Variants in CPLANE1 observed in about 807,000 individuals in gnomAD.
CPLANE1 encodes the protein ciliogenesis and planar polarity effector 1.
Under a neutral mutation model 362.5 loss-of-function variants are expected in CPLANE1, and 263 were observed. The observed-to-expected ratio is 0.73, with a 90% CI of 0.66 to 0.80. The LOEUF (loss-of-function observed/expected upper bound fraction) is 0.80, where lower values mean the gene tolerates loss of function less well. CPLANE1 is among the 30% of genes least tolerant of loss of function. The pLI is 0.00. For missense variants in CPLANE1, 3,461 were observed against 3,793.4 expected (o/e 0.91, Z 2.30); for synonymous variants, 1,212 against 1,302.6 (o/e 0.93, Z 1.50).
chr5:37,161,583 G>C (rs2150789187), intron 38 of CPLANE1, among the ~76,000 whole-genome samples: 1 of 152,158 alleles, frequency 6.6e-6, no homozygotes, highest in East Asian at 1.9e-4. Flanking sequence ...AGCATCCCAA[G>C]GTACTTGGAA....
At chr5:37,210,393 CA>C in intron 16 of CPLANE1, 1 of 1,019,150 alleles carries the variant, frequency 9.8e-7, no homozygotes, top group Non-Finnish European at 1.5e-6. Context: ...GACCTATGAC[CA>C]AAAACTCAAG....
intron 12 of CPLANE1, among the ~76,000 whole-genome samples, chr5:37,226,036 T>A (rs1194204894): frequency 2.0e-5 from 3 of 152,064 alleles, no homozygotes; most frequent in Non-Finnish European, 4.4e-5. Context: ...ATGACATATT[T>A]AACATGATGT....
At chr5:37,175,456 A>T (rs1215338058) in intron 31 of CPLANE1, among the ~76,000 whole-genome samples, 1 of 152,160 alleles carries the variant, frequency 6.6e-6, no homozygotes, top group Non-Finnish European at 1.5e-5. Context: ...ATCGATTCTA[A>T]CTATGAAAAT....
intron 46 of CPLANE1, chr5:37,138,432 T>C (rs1003029465): frequency 2.0e-6 from 1 of 489,238 alleles, no homozygotes; most frequent in African/African-American, 2.0e-5. Context: ...CGTTAATTTT[T>C]GGGTAAAGTG....
intron 32 of CPLANE1, among the ~76,000 whole-genome samples, chr5:37,172,748 G>T (rs1408060321): frequency 6.6e-6 from 1 of 152,204 alleles, no homozygotes; most frequent in African/African-American, 2.4e-5. Context: ...CACTTTGGGA[G>T]GCCAAGGCAG....
At chr5:37,161,983 A>T (rs1354711916) in intron 38 of CPLANE1, among the ~76,000 whole-genome samples, 4 of 152,254 alleles carry the variant, frequency 2.6e-5, no homozygotes, top group African/African-American at 9.6e-5. Flanking sequence ...ACTATTCAAG[A>T]TGCTATTCAT....
Position 37,239,786 on chromosome 5 carries a change from C to T in CPLANE1, c.761G>A (p.Arg254Lys). The T allele has an allele frequency of 6.5e-7, 1 of 1,547,000 alleles. No homozygotes were observed. Among genetic ancestry groups the T allele is most frequent in the Non-Finnish European group, 8.7e-7 (1 of 1,144,454 alleles). Residue 254 changes from arginine (R) to lysine (K), a missense_variant, in exon 7 of 53, where the codon AGA becomes AAA. This residue lies in a region of CPLANE1 where 3,380 missense variants were observed against 3,666.1 expected (regional missense o/e 0.92). Coordinates refer to ENST00000651892, the MANE Select transcript of CPLANE1 (RefSeq NM_001384732.1). Reference protein sequence around the residue: ...LIPKCESVKSRGALISAFSRD... With the variant: ...LIPKCESVKSKGALISAFSRD... ...TGAAAAGGCAGAAATTAGAGCTCCT[C>T]TTGACTTTACTGATTCACATTTAGG...
chr5:37,075,800 C>T, the CPLANE1 span, among the ~76,000 whole-genome samples: 8 of 152,228 alleles, frequency 5.3e-5, no homozygotes, highest in Admixed American at 2.0e-4. Context: ...TCTGCTGGGT[C>T]GAGTATTTGG....
At chr5:37,210,016 A>G in intron 16 of CPLANE1, 1 of 852,248 alleles carries the variant, frequency 1.2e-6, no homozygotes, top group Non-Finnish European at 2.0e-6. Flanking sequence ...ATATGTCAAA[A>G]GTTGAAGTTT....
rs367627463 is a variant in CPLANE1, at chr5:37,239,844, C to A, written c.703G>T (p.Ala235Ser). 6.6e-6 allele frequency: 10 copies of A among 1,519,732 alleles called. No individual in the cohort carries two copies. The highest frequency in any genetic ancestry group is 1.3e-5 in the South Asian group (1 of 77,376). The allele number at this position is 1,519,732 out of a possible 1,614,324, so 94.1% of individuals were successfully genotyped here. Residue 235 changes from alanine (A) to serine (S), a missense_variant, in exon 7 of 53, where the codon GCT (alanine) becomes TCT (serine). By Grantham distance (99) the Ala-to-Ser change is moderately conservative (BLOSUM62 1). This residue lies in a region of CPLANE1 where 3,380 missense variants were observed against 3,666.1 expected (regional missense o/e 0.92). Transcript: ENST00000651892. ...VRSLPYHVHW[A>S]QQDCHLCSLI... ...CTACAGAGATGACAGTCTTGTTGAG[C>A]CCAATGAACATGGTATGGCAATGAT...
In CPLANE1 at chr5:37,179,399, C is replaced by T; in HGVS notation, c.5782G>A (p.Ala1928Thr). 6.2e-7 allele frequency: 1 copy of T among 1,613,282 alleles called. No individual in the cohort carries two copies. The highest frequency in any genetic ancestry group is 1.1e-5 in the South Asian group (1 of 90,978). Residue 1928 changes from alanine to threonine, a missense_variant, in exon 29 of 53, where the codon GCC (alanine) becomes ACC (threonine). By Grantham distance (58) the Ala-to-Thr change is moderately conservative. Coordinates refer to ENST00000651892, the MANE Select transcript of CPLANE1 (RefSeq NM_001384732.1). ...SVGGFRSPSL[A>T]ICMMTLPQQL... is the part of the protein sequence containing the mutation. Reference sequence around the variant, plus strand: ...TGTGGTAAAGTCATCATGCAAATGGCAAGACTGGGACTTCTGAAACCTCCA... The same window carrying T: ...TGTGGTAAAGTCATCATGCAAATGGTAAGACTGGGACTTCTGAAACCTCCA...
intron 44 of CPLANE1, chr5:37,141,499 A>G: frequency 1.0e-6 from 1 of 984,208 alleles, no homozygotes; most frequent in Non-Finnish European, 1.2e-6. Context: ...ATCTAGAAAG[A>G]ACTGAGAAAA....
rs778065504 is a variant in CPLANE1 at position 37,121,788 on chromosome 5, T to C, written c.9018-4A>G. 6.2e-7 allele frequency: 1 copy of C among 1,611,522 alleles called. No individual in the cohort carries two copies. Among genetic ancestry groups the C allele is most frequent in the Non-Finnish European group, 8.5e-7 (1 of 1,177,838 alleles). On this transcript the variant is annotated splice_polypyrimidine_tract_variant and splice_region_variant and intron_variant, in intron 48 of 52. Transcript: ENST00000651892. ...ATAGTGTTCAGAGAGCAGCAATCTG[T>C]AGACAAAGAATTAAGCATCATTTAT...
Position 37,198,791 on chromosome 5 carries a change from G to C in CPLANE1, c.3583C>G (p.Leu1195Val). ...QKVSGILQRV[L>V]LLFRAAQCSF... Reference sequence around the variant, plus strand: ...CACTGAGCCGCCCGGAAAAGCAGGAGAACACGCTGAAGGATTCCAGATACC... The same window carrying C: ...CACTGAGCCGCCCGGAAAAGCAGGACAACACGCTGAAGGATTCCAGATACC... Residue 1195 changes from leucine to valine, a missense_variant, in exon 20 of 53, where the codon CTC becomes GTC. Coordinates refer to ENST00000651892, the MANE Select transcript of CPLANE1 (RefSeq NM_001384732.1). 6.2e-6 allele frequency: 10 copies of C among 1,614,026 alleles called. No homozygotes were observed. The highest frequency in any genetic ancestry group is 8.5e-6 in the Non-Finnish European group (10 of 1,179,998).
chr5:37,105,751 T>G (rs1757541902), downstream of CPLANE1, among the ~76,000 whole-genome samples: 1 of 152,100 alleles, frequency 6.6e-6, no homozygotes, highest in Non-Finnish European at 1.5e-5. Context: ...GGAGAAAATA[T>G]TTGCAAGCTA....
chr5:37,221,403 A>G lies in CPLANE1; in HGVS notation c.2667T>C (p.Ala889=). The stretch of plus-strand genomic sequence containing the variant: ...TTGCTAGCTGATCACACAATCCTTG[A>G]GCATCATTTAAATTATAGCTATAGA... ...CHLYSYNLND[A]QGLCDQLARE... is the part of the protein sequence containing the mutation. Residue 889 remains alanine (A), a synonymous_variant, in exon 15 of 53, where the codon GCT becomes GCC. Transcript: ENST00000651892. 6.5e-7 allele frequency: 1 copy of G among 1,540,162 alleles called. No homozygotes were observed.
chr5:37,168,707 C>G, intron 34 of CPLANE1, 84 bp downstream of exon 34: 1 of 1,130,830 alleles, frequency 8.8e-7, no homozygotes, highest in Non-Finnish European at 1.3e-6. Context: ...TGTACAAGAG[C>G]TTTTCAGTGA....
chr5:37,138,460 A>G, intron 46 of CPLANE1: 2 of 570,574 alleles, frequency 3.5e-6, no homozygotes, highest in Admixed American at 4.4e-5. Context: ...CTAATCATTA[A>G]TTACTTCTAG....
intron 36 of CPLANE1, among the ~76,000 whole-genome samples, chr5:37,164,775 T>C (rs1209875451): frequency 6.6e-6 from 1 of 152,164 alleles, no homozygotes; most frequent in Admixed American, 6.5e-5. Flanking sequence ...GTTGCAAAAA[T>C]AGTTAGTCAC....
Sources: allele counts gnomAD v4.1 joint callset (sites outside exome capture counted in the v4.1 genomes callset), GRCh38; gene constraint gnomAD v4.1.1; regional missense constraint gnomAD v4.1.1; transcripts MANE v1.5; gene names NCBI Gene and HGNC (gene_info 2026-07-23, HGNC 2026-07-21).